The following AUH variants were observed in gnomAD, a reference collection of about 807,000 sequenced individuals.
AUH encodes methylglutaconyl-CoA hydratase, mitochondrial.
AUH carries 29 observed loss-of-function variants against 42.3 expected under a neutral mutation model. The ratio of observed to expected loss-of-function variants is 0.69; its 90% confidence interval spans 0.51 to 0.93. The LOEUF is 0.93. Ranked by LOEUF, AUH falls within the 40% of genes least tolerant of loss-of-function variation. AUH has a pLI of 0.00. For synonymous variants in AUH, 174 were observed against 166.4 expected (o/e 1.05, Z -0.35); for missense variants, 452 against 438.1 (o/e 1.03, Z -0.28).
intron 6 of AUH, among the ~76,000 whole-genome samples, chr9:91,231,042 G>A (rs1023553560): frequency 2.6e-5 from 4 of 152,214 alleles, no homozygotes; most frequent in African/African-American, 7.2e-5. Flanking sequence ...AGCCTACAGA[G>A]GCACGCAGGC....
chr9:91,315,214 C>A (rs889955906), intron 4 of AUH, among the ~76,000 whole-genome samples: 2 of 152,220 alleles, frequency 1.3e-5, no homozygotes, highest in East Asian at 3.8e-4. Flanking sequence ...GGTGGGATTA[C>A]AGGCATGAGC....
intron 3 of AUH, among the ~76,000 whole-genome samples, chr9:91,329,856 A>G (rs1830204996): frequency 6.6e-6 from 1 of 152,182 alleles, no homozygotes; most frequent in Non-Finnish European, 1.5e-5. Context: ...GAATCTTTAT[A>G]ATAAAAAGTA....
chr9:91,265,102 A>T (rs1319628276), intron 6 of AUH, among the ~76,000 whole-genome samples: 1 of 152,110 alleles, frequency 6.6e-6, no homozygotes, highest in Non-Finnish European at 1.5e-5. Context: ...CTTTTTCATT[A>T]ACTGTTCTGG....
intron 6 of AUH, among the ~76,000 whole-genome samples, chr9:91,289,006 T>C (rs1826645885): frequency 6.6e-6 from 1 of 152,196 alleles, no homozygotes; most frequent in Non-Finnish European, 1.5e-5. Flanking sequence ...ACACTATTTT[T>C]TGACAAATTG....
chr9:91,312,401 G>C (rs1251639638), intron 4 of AUH, among the ~76,000 whole-genome samples: 3 of 152,080 alleles, frequency 2.0e-5, no homozygotes, highest in African/African-American at 4.8e-5. Context: ...ACAATTTAAA[G>C]ATGCCTATGG....
chr9:91,214,325 CATCTT>C lies in AUH; in HGVS notation c.*18_*22del, dbSNP rs774134680. 1.1e-5 allele frequency: 17 copies of C among 1,576,402 alleles called. No individual in the cohort carries two copies. In the East Asian group the frequency reaches 3.6e-4, roughly 33 times the overall value. ...CCAGGAAGTACATTTATTACATTGGCATCTTAAGAATTTCTGTTCCTTTTATTCTC... is the reference window on the plus strand; with the variant it reads ...CCAGGAAGTACATTTATTACATTGGCAAGAATTTCTGTTCCTTTTATTCTC... On this transcript the variant is annotated 3_prime_UTR_variant, in exon 10 of 10. Coordinates refer to ENST00000375731, the MANE Select transcript of AUH (RefSeq NM_001698.3).
chr9:91,252,030 G>T (rs546829727), intron 6 of AUH, among the ~76,000 whole-genome samples: 2 of 151,924 alleles, frequency 1.3e-5, no homozygotes, highest in Non-Finnish European at 2.9e-5. Context: ...GCAGTGGCAC[G>T]ATCTCGGCTC....
At chr9:91,293,418 A>G (rs774409606) in intron 6 of AUH, among the ~76,000 whole-genome samples, 19 of 152,264 alleles carry the variant, frequency 1.2e-4, no homozygotes, top group Non-Finnish European at 2.4e-4. Flanking sequence ...AATAAGAAGA[A>G]AGCAGAATAG....
intron 3 of AUH, among the ~76,000 whole-genome samples, chr9:91,345,736 G>A (rs1831450976): frequency 6.6e-6 from 1 of 151,812 alleles, no homozygotes; most frequent in African/African-American, 2.4e-5. Flanking sequence ...GGGAGGCTGA[G>A]GCAGGAGAAT....
Position 91,334,302 on chromosome 9 carries a change from G to T in AUH, c.419-8898C>A, listed in dbSNP as rs114735014. Reference sequence around the variant, plus strand: ...TTGGTACGTCAGTAAGGGTCCTTCTGGATGACTAGCATTTGAATTCGTGAA... The same window carrying T: ...TTGGTACGTCAGTAAGGGTCCTTCTTGATGACTAGCATTTGAATTCGTGAA... On this transcript the variant is annotated intron_variant, in intron 3 of 9. Coordinates refer to ENST00000375731, the MANE Select transcript of AUH (RefSeq NM_001698.3). 3.8e-3 allele frequency among the ~76,000 whole-genome samples: 573 copies of T among 152,292 alleles called. 2 individuals carry two copies. The highest frequency in any genetic ancestry group is 0.013 in the African/African-American group (528 of 41,548).
intron 4 of AUH, among the ~76,000 whole-genome samples, chr9:91,309,532 C>G (rs1397333332): frequency 3.9e-5 from 6 of 152,102 alleles, no homozygotes; most frequent in Non-Finnish European, 5.9e-5. Context: ...AGCTGGAGGT[C>G]ATTATCCTTA....
intron 6 of AUH, among the ~76,000 whole-genome samples, chr9:91,249,038 T>TCCCAGA (rs1828958586): frequency 6.6e-6 from 1 of 152,102 alleles, no homozygotes; most frequent in Non-Finnish European, 1.5e-5. Flanking sequence ...GGCTTACACC[T>TCCCAGA]GTAATGCCAG....
chr9:91,294,771 G>T, intron 6 of AUH: 1 of 455,640 alleles, frequency 2.2e-6, no homozygotes, highest in South Asian at 1.5e-5. Context: ...GACTTGGAGG[G>T]ATTCAAGACT....
At chr9:91,342,090 A>G (rs1404457117) in intron 3 of AUH, among the ~76,000 whole-genome samples, 1 of 152,204 alleles carries the variant, frequency 6.6e-6, no homozygotes, top group East Asian at 1.9e-4. Context: ...ACAAATAACT[A>G]CAAGCTTAAA....
chr9:91,324,118 A>T (rs1829795789), intron 4 of AUH, among the ~76,000 whole-genome samples: 1 of 152,232 alleles, frequency 6.6e-6, no homozygotes, highest in Non-Finnish European at 1.5e-5. Context: ...AACACATTTA[A>T]ACACAAAGAA....
chr9:91,282,992 T>G (rs1826096672), intron 6 of AUH, among the ~76,000 whole-genome samples: 2 of 152,182 alleles, frequency 1.3e-5, no homozygotes, highest in Middle Eastern at 3.2e-3. Flanking sequence ...TACCAAAGCC[T>G]GGCAGAGACA....
chr9:91,345,573 C>A (rs974687981), intron 3 of AUH, among the ~76,000 whole-genome samples: 2 of 152,108 alleles, frequency 1.3e-5, no homozygotes, highest in Admixed American at 1.3e-4. Flanking sequence ...GTGGCTCACG[C>A]CTGTAATCCC....
At chr9:91,243,158 T>C (rs902845317) in intron 6 of AUH, among the ~76,000 whole-genome samples, 3 of 152,202 alleles carry the variant, frequency 2.0e-5, no homozygotes, top group African/African-American at 7.2e-5. Context: ...TATGCACTAG[T>C]AAATCAGTGG....
Position 91,355,797 on chromosome 9 carries a change from C to T in AUH, c.418+86G>A, listed in dbSNP as rs564513374. The stretch of plus-strand genomic sequence containing the variant: ...GGAGTTGTTGGTAATGGGGTTCAAA[C>T]CAAAGAACATTCTAATGGAAAACAG... On this transcript the variant is annotated intron_variant, in intron 3 of 9. Coordinates refer to ENST00000375731, the MANE Select transcript of AUH (RefSeq NM_001698.3). The T allele has an allele frequency of 1.5e-4, 198 of 1,288,784 alleles. No individual in the cohort carries two copies. In the African/African-American group the frequency reaches 2.5e-3, roughly 16 times the overall value. 79.8% of individuals were successfully genotyped at this position (1,288,784 alleles called of 1,614,324 possible).
Sources: allele counts gnomAD v4.1 joint callset (sites outside exome capture counted in the v4.1 genomes callset), GRCh38; gene constraint gnomAD v4.1.1; transcripts MANE v1.5; gene names NCBI Gene and HGNC (gene_info 2026-07-23, HGNC 2026-07-21).